Variants in PCMTD1 observed in about 807,000 individuals in gnomAD.
The protein encoded by PCMTD1 is protein-L-isoaspartate O-methyltransferase domain-containing protein 1.
A neutral mutation model predicts 37.6 loss-of-function variants in PCMTD1; 12 were observed. That is an observed-to-expected ratio of 0.32 (90% confidence interval 0.20 to 0.52). The LOEUF (loss-of-function observed/expected upper bound fraction) is 0.52, where lower values mean the gene tolerates loss of function less well. Ranked by LOEUF, PCMTD1 falls within the 20% of genes least tolerant of loss-of-function variation. The pLI, the probability that PCMTD1 is intolerant of heterozygous loss-of-function variation, is 0.97. For missense variants in PCMTD1, 235 were observed against 421.3 expected, an observed-to-expected ratio of 0.56 and a Z score of 3.87; for synonymous variants, 117 against 135.8, an observed-to-expected ratio of 0.86 and a Z score of 0.96.
chr8:51,826,174 C>T (rs542747903), intron 5 of PCMTD1, among the ~76,000 whole-genome samples: 2 of 152,322 alleles, frequency 1.3e-5, no homozygotes, highest in African/African-American at 4.8e-5. Context: ...CCATGGAATA[C>T]TATGCAGCCA....
rs968167345 is a variant in PCMTD1 at position 51,850,021 on chromosome 8, A to C, written c.308-4258T>G. ...ACAGGCAAAAAGTACTTCACAATAC[A>C]TAAAGTTCTGAAGATGAAATAATTC... is the stretch of plus-strand genomic sequence containing the variant. On this transcript the variant is annotated intron_variant, in intron 2 of 5. Transcript: ENST00000522514. 1.4e-5 allele frequency: 10 copies of C among 701,178 alleles called. No homozygotes were observed. In the East Asian group the frequency reaches 2.7e-4, roughly 19 times the overall value. The allele number at this position is 701,178 out of a possible 1,614,324, so 43.4% of individuals were successfully genotyped here.
Position 51,820,736 on chromosome 8 carries a change from A to C in PCMTD1, c.707-18T>G. On this transcript the variant is annotated intron_variant, in intron 5 of 5. Transcript: ENST00000522514. ...ACAGGGAGCTAAAAACAAACATAAA[A>C]CGCAAGAAAGAAAATATTAACAATA... 1 of 1,564,922 alleles carries C rather than the reference A, an allele frequency of 6.4e-7. No homozygotes were observed. Among genetic ancestry groups the C allele is most frequent in the Non-Finnish European group, 8.6e-7 (1 of 1,160,084 alleles).
At chr8:51,853,400 C>G (rs1172641912) in intron 2 of PCMTD1, among the ~76,000 whole-genome samples, 2 of 152,104 alleles carry the variant, frequency 1.3e-5, no homozygotes, top group Admixed American at 6.6e-5. Flanking sequence ...AAAACAAAGA[C>G]AATTCTGTAG....
chr8:51,859,765 G>T (rs2038444483), intron 2 of PCMTD1, among the ~76,000 whole-genome samples: 1 of 152,124 alleles, frequency 6.6e-6, no homozygotes, highest in South Asian at 2.1e-4. Flanking sequence ...CACCCTACTA[G>T]AGGATATGTC....
chr8:51,880,148 T>C (rs2038771727), intron 1 of PCMTD1, among the ~76,000 whole-genome samples: 1 of 150,832 alleles, frequency 6.6e-6, no homozygotes, highest in South Asian at 2.1e-4. Flanking sequence ...TACAGTGAGC[T>C]ACAATAGCAC....
At chr8:51,838,716 A>T (rs934819196) in intron 3 of PCMTD1, among the ~76,000 whole-genome samples, 10 of 152,154 alleles carry the variant, frequency 6.6e-5, no homozygotes, top group Non-Finnish European at 1.3e-4. Context: ...AGTTTCCATA[A>T]ACCTATAGAG....
At chr8:51,855,197 A>AC (rs2038367599) in intron 2 of PCMTD1, among the ~76,000 whole-genome samples, 2 of 144,656 alleles carry the variant, frequency 1.4e-5, no homozygotes, top group African/African-American at 5.1e-5. Context: ...AAACAAACAA[A>AC]AAAAAAACAT....
At chr8:51,870,481 G>T (rs2038623406) in intron 1 of PCMTD1, 1 of 152,152 alleles carries the variant, frequency 6.6e-6, no homozygotes, top group Non-Finnish European at 1.5e-5. Flanking sequence ...GCCAAAAGCT[G>T]CAAAGAGCAT....
At chr8:51,890,331 C>T (rs2038919872) in intron 1 of PCMTD1, among the ~76,000 whole-genome samples, 1 of 152,158 alleles carries the variant, frequency 6.6e-6, no homozygotes, top group South Asian at 2.1e-4. Context: ...CTAGGCTTTT[C>T]CTTGAAACTA....
At chr8:51,831,380 C>A in intron 5 of PCMTD1, 64 bp downstream of exon 5, 1 of 1,478,866 alleles carries the variant, frequency 6.8e-7, no homozygotes. Flanking sequence ...AGTCTTAAAT[C>A]CCAAGCATAA....
intron 3 of PCMTD1, among the ~76,000 whole-genome samples, chr8:51,835,211 T>C (rs2038052531): frequency 6.6e-6 from 1 of 152,240 alleles, no homozygotes; most frequent in Non-Finnish European, 1.5e-5. Context: ...GTGTATGTGC[T>C]GTTCCCTTAA....
intron 1 of PCMTD1, among the ~76,000 whole-genome samples, chr8:51,886,350 C>T (rs1275741352): frequency 6.6e-6 from 1 of 152,174 alleles, no homozygotes; most frequent in East Asian, 1.9e-4. Context: ...ACCTTTCAGA[C>T]CAGCTACTCT....
At chr8:51,877,374 T>C (rs1054258742) in intron 1 of PCMTD1, among the ~76,000 whole-genome samples, 1 of 152,190 alleles carries the variant, frequency 6.6e-6, no homozygotes, top group Non-Finnish European at 1.5e-5. Flanking sequence ...AGGAAGTAAC[T>C]TGCAGGATGC....
chr8:51,852,359 T>C (rs1373513591), intron 2 of PCMTD1, among the ~76,000 whole-genome samples: 2 of 152,252 alleles, frequency 1.3e-5, no homozygotes, highest in Non-Finnish European at 2.9e-5. Context: ...TCTTGATTTT[T>C]AAAATAGTGC....
rs2037796073 is a variant in PCMTD1 at position 51,818,563 on chromosome 8, C to A, written c.*1788G>T. 6.6e-6 allele frequency: 1 copy of A among 152,550 alleles called. No individual in the cohort carries two copies. Among genetic ancestry groups the A allele is most frequent in the South Asian group, 2.1e-4 (1 of 4,838 alleles). The allele number at this position is 152,550 out of a possible 1,614,324, so 9.4% of individuals were successfully genotyped here. Reference sequence around the variant, plus strand: ...TAAAATGAGCATTTCTGACAGATGACAACAGTATGAAACTGATTTTTTTCT... The same window carrying A: ...TAAAATGAGCATTTCTGACAGATGAAAACAGTATGAAACTGATTTTTTTCT... On this transcript the variant is annotated 3_prime_UTR_variant, in exon 6 of 6. Transcript: ENST00000522514.
At position 51,861,127 on chromosome 8, in the gene PCMTD1, C is replaced by T; in HGVS notation, c.25G>A (p.Glu9Lys). Residue 9 changes from glutamate to lysine, a missense_variant, in exon 2 of 6, where the codon GAA becomes AAA. Physicochemically the swap from Glu to Lys is moderately conservative, Grantham distance 56 (BLOSUM62 1). Coordinates refer to ENST00000522514, the MANE Select transcript of PCMTD1 (RefSeq NM_052937.4). Reference protein sequence around the residue: MGGAVSAGEDNDDLIDNLK... With the variant: MGGAVSAGKDNDDLIDNLK... ...TTATCAATTAAGTCATCATTATCTT[C>T]CCCAGCACTCACAGCTCCTCCCATG... 1 of 1,613,680 alleles carries T rather than the reference C, an allele frequency of 6.2e-7. No individual in the cohort carries two copies. The highest frequency in any genetic ancestry group is 8.5e-7 in the Non-Finnish European group (1 of 1,179,680).
intron 3 of PCMTD1, chr8:51,839,729 G>T: frequency 1.8e-6 from 1 of 550,128 alleles, no homozygotes; most frequent in Non-Finnish European, 2.3e-6. Flanking sequence ...GCCACAGGAT[G>T]CTGTTATTGA....
At chr8:51,839,336 T>TA in intron 3 of PCMTD1, 1 of 448,604 alleles carries the variant, frequency 2.2e-6, no homozygotes, top group Non-Finnish European at 2.9e-6. Flanking sequence ...GACATACTCT[T>TA]AATAAAATGT....
intron 1 of PCMTD1, among the ~76,000 whole-genome samples, chr8:51,863,010 A>G (rs148456283): frequency 6.9e-6 from 1 of 145,682 alleles, no homozygotes; most frequent in Non-Finnish European, 1.5e-5. Context: ...GCTGAGTCCA[A>G]TTGTAGCATT....
Sources: gnomAD v4.1 joint callset for allele counts (sites outside exome capture counted in the v4.1 genomes callset) on GRCh38, gnomAD v4.1.1 for gene constraint, MANE v1.5 for transcripts, NCBI Gene and HGNC (gene_info 2026-07-23, HGNC 2026-07-21) for gene names.